The following PKHD1L1 variants were observed in gnomAD, a reference collection of about 807,000 sequenced individuals.
PKHD1L1 encodes fibrocystin-L.
A neutral mutation model predicts 462.9 loss-of-function variants in PKHD1L1; 434 were observed. The ratio of observed to expected loss-of-function variants is 0.94; its 90% CI spans 0.87 to 1.02. PKHD1L1 has a LOEUF of 1.02. PKHD1L1 is among the 50% of genes least tolerant of loss of function. The probability of loss-of-function intolerance (pLI) is 0.00; values close to 1 mark genes in which losing one functional copy is unlikely to be tolerated. For missense variants in PKHD1L1, 5,202 were observed against 5,096.1 expected (o/e 1.02, Z -0.63); for synonymous variants, 1,781 against 1,750.0 (o/e 1.02, Z -0.44).
intron 72 of PKHD1L1, among the ~76,000 whole-genome samples, chr8:109,516,212 T>G (rs983641798): frequency 6.6e-6 from 1 of 152,122 alleles, no homozygotes; most frequent in Admixed American, 6.6e-5. Context: ...TTTGCCAAGA[T>G]AGTGGTCTTA....
At chr8:109,514,778 AT>A (rs1013796198) in intron 71 of PKHD1L1, among the ~76,000 whole-genome samples, 10 of 151,888 alleles carry the variant, frequency 6.6e-5, no homozygotes, top group African/African-American at 2.2e-4. Context: ...AGAGGTAATC[AT>A]TTTTTTTCCA....
At chr8:109,363,748 T>C (rs912217333) in intron 1 of PKHD1L1, among the ~76,000 whole-genome samples, 1 of 152,214 alleles carries the variant, frequency 6.6e-6, no homozygotes, top group African/African-American at 2.4e-5. Flanking sequence ...TATCTTTATC[T>C]TTCTGACAAC....
chr8:109,389,046 T>C (rs1812575952), intron 7 of PKHD1L1, 33 bp from the exon 8 acceptor site: 3 of 1,388,964 alleles, frequency 2.2e-6, no homozygotes, highest in African/African-American at 1.4e-5. Context: ...TTAGTGTCTA[T>C]ATAAGCTTTG....
intron 72 of PKHD1L1, among the ~76,000 whole-genome samples, chr8:109,517,680 AT>A (rs1246457939): frequency 1.3e-5 from 2 of 151,436 alleles, no homozygotes; most frequent in Non-Finnish European, 2.9e-5. Context: ...TGTATACTTC[AT>A]TTTTATTACA....
chr8:109,432,099 T>C (rs1036492763), intron 27 of PKHD1L1, among the ~76,000 whole-genome samples: 14 of 152,326 alleles, frequency 9.2e-5, no homozygotes, highest in African/African-American at 2.9e-4. Context: ...TCAGATTATT[T>C]CTTCTGCAAA....
At position 109,429,957 on chromosome 8, in the gene PKHD1L1, C is replaced by T. The variant is rs1318109925; in HGVS notation, c.3149C>T (p.Pro1050Leu). 1 of 1,611,648 alleles carries T rather than the reference C, an allele frequency of 6.2e-7. No individual in the cohort carries two copies. Among genetic ancestry groups the T allele is most frequent in the Non-Finnish European group, 8.5e-7 (1 of 1,178,886 alleles). Residue 1050 changes from proline to leucine, a missense_variant, in exon 27 of 78, where the codon CCA becomes CTA. By Grantham distance (98) the Pro-to-Leu change is moderately conservative. Around this residue, in one of 3 missense-constraint regions of PKHD1L1, gnomAD observed 4,497 missense variants for 4,336.8 expected, o/e 1.04. Transcript: ENST00000378402. ...PQVEVYVNGI[P>L]AKCSGDCGFT... ...GTTGAAGTCTATGTCAATGGAATTCCAGCTAAATGTTCAGGTGACTGTGGA... is the reference window on the plus strand; with the variant it reads ...GTTGAAGTCTATGTCAATGGAATTCTAGCTAAATGTTCAGGTGACTGTGGA...
intron 30 of PKHD1L1, 96 bp downstream of exon 30, chr8:109,436,555 T>A (rs1815426918): frequency 6.5e-7 from 1 of 1,527,452 alleles, no homozygotes; most frequent in Admixed American, 2.3e-5. Context: ...ACAAGTGGTG[T>A]ATTTACTTAG....
At chr8:109,432,799 TTTC>T (rs1815186207) in intron 27 of PKHD1L1, among the ~76,000 whole-genome samples, 1 of 152,252 alleles carries the variant, frequency 6.6e-6, no homozygotes, top group Non-Finnish European at 1.5e-5. Context: ...GTCTACTTAA[TTTC>T]TTTGTTATGA....
chr8:109,533,230 C>T lies in PKHD1L1; in HGVS notation c.*3140C>T, dbSNP rs1357471773. On this transcript the variant is annotated 3_prime_UTR_variant, in exon 78 of 78. Transcript: ENST00000378402. The stretch of plus-strand genomic sequence containing the variant: ...CCACTTCTATGCCCTCAGGCAAGTT[C>T]TTAGTTTCCATTATTCTCAGTTTCT... 6.6e-6 allele frequency among the ~76,000 whole-genome samples: 1 copy of T among 152,214 alleles called. No homozygotes were observed. Among genetic ancestry groups the T allele is most frequent in the Non-Finnish European group, 1.5e-5 (1 of 68,036 alleles).
chr8:109,423,581 T>C (rs957929593), intron 23 of PKHD1L1, among the ~76,000 whole-genome samples: 1 of 152,198 alleles, frequency 6.6e-6, no homozygotes, highest in Non-Finnish European at 1.5e-5. Flanking sequence ...ATTTTTCTTG[T>C]GCAAAATTGT....
chr8:109,486,967 C>T (rs1375658689), intron 59 of PKHD1L1, 146 bp downstream of exon 59: 6 of 760,718 alleles, frequency 7.9e-6, no homozygotes, highest in Non-Finnish European at 1.2e-5. Context: ...CCAGTTTTTA[C>T]CTTCCAAGTA....
At chr8:109,368,058 T>C (rs1811318228) in intron 2 of PKHD1L1, among the ~76,000 whole-genome samples, 1 of 152,264 alleles carries the variant, frequency 6.6e-6, no homozygotes, top group Non-Finnish European at 1.5e-5. Context: ...AAGAGCATTA[T>C]AATTTTGATA....
chr8:109,527,117 C>T, intron 77 of PKHD1L1, 97 bp downstream of exon 77: 1 of 1,035,352 alleles, frequency 9.7e-7, no homozygotes, highest in Middle Eastern at 2.1e-4. Context: ...CATGATATCA[C>T]TGTGTGCACA....
intron 39 of PKHD1L1, among the ~76,000 whole-genome samples, chr8:109,449,102 C>A (rs1033923501): frequency 6.6e-6 from 1 of 151,886 alleles, no homozygotes; most frequent in Non-Finnish European, 1.5e-5. Context: ...TTTAGTTCCT[C>A]GAAATAGTTC....
intron 52 of PKHD1L1, 101 bp downstream of exon 52, chr8:109,476,768 T>C: frequency 1.0e-6 from 1 of 990,214 alleles, no homozygotes; most frequent in African/African-American, 1.7e-5. Context: ...GCTTAATATA[T>C]ACAGGATCCA....
intron 2 of PKHD1L1, among the ~76,000 whole-genome samples, chr8:109,367,428 T>C (rs894276829): frequency 6.6e-6 from 1 of 152,236 alleles, no homozygotes; most frequent in Non-Finnish European, 1.5e-5. Context: ...AACAGTAAAA[T>C]ATTATAGAAA....
intron 73 of PKHD1L1, among the ~76,000 whole-genome samples, chr8:109,519,674 A>C (rs1820449305): frequency 1.3e-5 from 2 of 152,150 alleles, no homozygotes; most frequent in Admixed American, 1.3e-4. Context: ...TTACACTTCA[A>C]GCCCCCTCAC....
chr8:109,483,503 T>C (rs1818373645), intron 57 of PKHD1L1, among the ~76,000 whole-genome samples: 2 of 146,560 alleles, frequency 1.4e-5, no homozygotes, highest in South Asian at 2.2e-4. Context: ...GTACATAATA[T>C]AAATTAGTCA....
intron 38 of PKHD1L1, 53 bp from the exon 39 acceptor site, chr8:109,448,090 A>T (rs761152266): frequency 3.4e-5 from 49 of 1,435,208 alleles, no homozygotes; most frequent in Non-Finnish European, 4.4e-5. Flanking sequence ...CTTTAAATGG[A>T]TGTGTATTAA....
Sources: gnomAD v4.1 joint callset for allele counts (sites outside exome capture counted in the v4.1 genomes callset) on GRCh38, gnomAD v4.1.1 for gene constraint, gnomAD v4.1.1 regional missense constraint, MANE v1.5 for transcripts, NCBI Gene and HGNC (gene_info 2026-07-23, HGNC 2026-07-21) for gene names.